Variants in GOT1L1 observed in about 807,000 individuals in gnomAD.
GOT1L1 encodes the protein aspartate aminotransferase, cytoplasmic 2.
Under a neutral mutation model 43.6 loss-of-function variants are expected in GOT1L1, and 38 were observed. The ratio of observed to expected loss-of-function variants is 0.87; its 90% CI spans 0.67 to 1.14. The LOEUF (loss-of-function observed/expected upper bound fraction) is 1.14, where lower values mean the gene tolerates loss of function less well. GOT1L1 is among the 50% of genes most tolerant of loss of function. The probability of loss-of-function intolerance (pLI) is 0.00; values close to 1 mark genes in which losing one functional copy is unlikely to be tolerated. For missense variants in GOT1L1, 482 were observed against 504.0 expected (o/e 0.96, Z 0.42); for synonymous variants, 183 against 187.2 (o/e 0.98, Z 0.18).
chr8:37,939,977 C>T lies in GOT1L1; in HGVS notation c.53G>A (p.Gly18Asp). ...MDVPLAHKLE[G>D]SLLKTYKQDD... is the part of the protein sequence containing the mutation. ...TTGTTTGTAGGTCTTTAACAAGCTG[C>T]CCTCTAGCTTGTGGGCGAGGGGCAC... Residue 18 changes from glycine (G) to aspartate (D), a missense_variant, in exon 1 of 9, where the codon GGC becomes GAC. Physicochemically the swap from Gly to Asp is moderately conservative, Grantham distance 94. Transcript: ENST00000307599. 1 of 1,613,410 alleles carries T rather than the reference C, an allele frequency of 6.2e-7. No homozygotes were observed. The highest frequency in any genetic ancestry group is 8.5e-7 in the Non-Finnish European group (1 of 1,179,552).
chr8:37,935,624 C>A lies in GOT1L1; in HGVS notation c.929+80G>T, dbSNP rs145030620. On this transcript the variant is annotated intron_variant, in intron 7 of 8. Transcript: ENST00000307599. ...GCCACATGGGCAGGAGAGAAGCACC[C>A]TGCCGAATCCTGCAGATCAGCAGGT... 5.6e-5 allele frequency: 74 copies of A among 1,325,826 alleles called. No individual in the cohort carries two copies. The East Asian group carries it at 2.0e-3, about 35-fold the overall frequency. 82.1% of individuals were successfully genotyped at this position (1,325,826 alleles called of 1,614,324 possible). A position where few individuals can be genotyped will look rare whatever the true frequency, so the allele number is the denominator to read the frequency against.
intron 2 of GOT1L1, 33 bp from the exon 3 acceptor site, chr8:37,937,782 G>A (rs772323353): frequency 6.8e-7 from 1 of 1,478,712 alleles, no homozygotes; most frequent in African/African-American, 1.4e-5. Flanking sequence ...AATAGGCCAG[G>A]TGTGGTGGCT....
rs746672541 is a variant in GOT1L1 at position 37,939,910 on chromosome 8, T to C, written c.115+5A>G. ...TCTTATACTTCAGAACTGCTAGGCA[T>C]CTACCTCTATAGGCTAAGAATATCT... On this transcript the variant is annotated splice_donor_5th_base_variant and intron_variant, in intron 1 of 8. Coordinates refer to ENST00000307599, the MANE Select transcript of GOT1L1 (RefSeq NM_152413.3). 1 of 1,612,170 alleles carries C rather than the reference T, an allele frequency of 6.2e-7. No individual in the cohort carries two copies. The highest frequency in any genetic ancestry group is 2.2e-5 in the East Asian group (1 of 44,860).
chr8:37,934,552 G>A, intron 8 of GOT1L1, 66 bp from the exon 9 acceptor site: 1 of 1,170,444 alleles, frequency 8.5e-7, no homozygotes, highest in Admixed American at 2.1e-5. Flanking sequence ...AGCCCAGGCT[G>A]GTTTATTTTC....
chr8:37,934,664 A>G (rs1488301548), intron 8 of GOT1L1, among the ~76,000 whole-genome samples, 178 bp from the exon 9 acceptor site: 2 of 152,082 alleles, frequency 1.3e-5, no homozygotes, highest in Non-Finnish European at 2.9e-5. Context: ...TTCGCCTCCC[A>G]GGTTCAAGCG....
At chr8:37,935,568 G>A (rs926152087) in intron 7 of GOT1L1, 136 bp downstream of exon 7, 1 of 843,796 alleles carries the variant, frequency 1.2e-6, no homozygotes, top group African/African-American at 1.7e-5. Flanking sequence ...CAGGTCCTTA[G>A]TAAATGTTGA....
chr8:37,936,709 C>A lies in GOT1L1; in HGVS notation c.763+11G>T. 1.2e-6 allele frequency: 2 copies of A among 1,605,686 alleles called. No homozygotes were observed. The highest frequency in any genetic ancestry group is 8.5e-7 in the Non-Finnish European group (1 of 1,173,462). ...AGCAACAGACCCTCCCTTCTTCTGC[C>A]TGTACCATACCATAAATGCCAAAAT... is the stretch of plus-strand genomic sequence containing the variant. On this transcript the variant is annotated intron_variant, in intron 6 of 8. Coordinates refer to ENST00000307599, the MANE Select transcript of GOT1L1 (RefSeq NM_152413.3).
chr8:37,935,801 G>A lies in GOT1L1; in HGVS notation c.832C>T (p.Leu278=). The change falls in exon 7 of 9, where the codon CTG becomes TTG. Residue 278 remains leucine, a synonymous_variant. Transcript: ENST00000307599. Reference sequence around the variant, plus strand: ...CACAGGGCCTGGGCTAATCCTTCCAGCTGGGAGAGGACACACAGCAGCTGC... The same window carrying A: ...CACAGGGCCTGGGCTAATCCTTCCAACTGGGAGAGGACACACAGCAGCTGC... ...NQQLLCVLSQ[L]EGLAQALWLN... 2 of 1,613,216 alleles carry A rather than the reference G, an allele frequency of 1.2e-6. No individual in the cohort carries two copies. The highest frequency in any genetic ancestry group is 1.7e-6 in the Non-Finnish European group (2 of 1,179,536).
rs546691324 is a variant in GOT1L1, at chr8:37,935,758, G to T, written c.875C>A (p.Thr292Lys). 1.9e-6 allele frequency: 3 copies of T among 1,611,862 alleles called. No individual in the cohort carries two copies. Among genetic ancestry groups the T allele is most frequent in the Non-Finnish European group, 2.5e-6 (3 of 1,178,974 alleles). ...GATGGAGGTGATGACACGTGCACCC[G>T]TGTTGGGGGGGTTTAGCCACAGGGC... ...AQALWLNPPN[T>K]GARVITSILC... The change falls in exon 7 of 9, where the codon ACG becomes AAG. Residue 292 changes from threonine (T) to lysine (K), a missense_variant. By Grantham distance (78) the Thr-to-Lys change is moderately conservative (BLOSUM62 -1). Coordinates refer to ENST00000307599, the MANE Select transcript of GOT1L1 (RefSeq NM_152413.3).
At chr8:37,935,599 GC>G in intron 7 of GOT1L1, 104 bp downstream of exon 7, 1 of 1,054,294 alleles carries the variant, frequency 9.5e-7, no homozygotes, top group South Asian at 1.9e-5. Flanking sequence ...GAGTAAAAAG[GC>G]CACATGGGCA....
At chr8:37,939,430 AAATAT>A (rs1223187198) in intron 1 of GOT1L1, among the ~76,000 whole-genome samples, 6 of 59,452 alleles carry the variant, frequency 1.0e-4, no homozygotes, top group African/African-American at 4.2e-4. Context: ...AAAAAAAAAA[AAATAT>A]ATATATATAT....
chr8:37,938,645 C>T (rs142930483), intron 2 of GOT1L1, 55 bp downstream of exon 2: 2 of 1,484,986 alleles, frequency 1.3e-6, no homozygotes, highest in South Asian at 2.7e-5. Context: ...GTTGTGCAGA[C>T]CCAGATCGCC....
At position 37,938,891 on chromosome 8, in the gene GOT1L1, A is replaced by C; in HGVS notation, c.116-10T>G. 6.2e-7 allele frequency: 1 copy of C among 1,613,078 alleles called. No individual in the cohort carries two copies. Reference sequence around the variant, plus strand: ...TCATTTGTCATGCAGACTGTGAGGAAAACCACAGAGGGAGCTCCAGATGCC... The same window carrying C: ...TCATTTGTCATGCAGACTGTGAGGACAACCACAGAGGGAGCTCCAGATGCC... On this transcript the variant is annotated splice_polypyrimidine_tract_variant and intron_variant, in intron 1 of 8. Transcript: ENST00000307599.
rs181030975 is a variant in GOT1L1, at chr8:37,937,251, G to A, written c.519+26C>T. Reference sequence around the variant, plus strand: ...TTAGGCTGTAAGTCAGCTCTAGGGAGGAGTTTCTGAGCGGGGCCCCTCTAC... The same window carrying A: ...TTAGGCTGTAAGTCAGCTCTAGGGAAGAGTTTCTGAGCGGGGCCCCTCTAC... On this transcript the variant is annotated intron_variant, in intron 4 of 8. Transcript: ENST00000307599. The A allele has an allele frequency of 2.6e-5, 37 of 1,430,084 alleles. No homozygotes were observed. In the Admixed American group the frequency reaches 7.3e-4, roughly 28 times the overall value. The allele number at this position is 1,430,084 out of a possible 1,614,324, so 88.6% of individuals were successfully genotyped here.
At chr8:37,937,538 A>G (rs754090106) in intron 3 of GOT1L1, 100 bp downstream of exon 3, 35 of 1,060,330 alleles carry the variant, frequency 3.3e-5, no homozygotes, top group Non-Finnish European at 2.8e-5. Flanking sequence ...CATTTTGCTC[A>G]TGACAGAGAA....
Position 37,939,776 on chromosome 8 carries a change from G to T in GOT1L1, c.115+139C>A, listed in dbSNP as rs901968513. On this transcript the variant is annotated intron_variant, in intron 1 of 8. Transcript: ENST00000307599. ...CCTTATCTGCACTTTTCCCCACTGG[G>T]TAATTCTGTTAACAAGAAAAGATCT... 4 of 784,340 alleles carry T rather than the reference G, an allele frequency of 5.1e-6. No homozygotes were observed. In the African/African-American group the frequency reaches 7.0e-5, roughly 14 times the overall value. The allele number at this position is 784,340 out of a possible 1,614,324, so 48.6% of individuals were successfully genotyped here.
In GOT1L1 at chr8:37,937,074, T is replaced by A. The variant is rs1434613304; in HGVS notation, c.520-17A>T. 2 of 1,610,856 alleles carry A rather than the reference T, an allele frequency of 1.2e-6. No individual in the cohort carries two copies. Among genetic ancestry groups the A allele is most frequent in the Non-Finnish European group, 1.7e-6 (2 of 1,177,870 alleles). On this transcript the variant is annotated splice_polypyrimidine_tract_variant and intron_variant, in intron 4 of 8. Transcript: ENST00000307599. ...TGGGATCTGCTGCAGGTACAGACGG[T>A]CTCATCAGGCTTCACCCCCACCCAG... is the stretch of plus-strand genomic sequence containing the variant.
intron 7 of GOT1L1, 62 bp downstream of exon 7, chr8:37,935,642 C>G: frequency 7.0e-7 from 1 of 1,425,866 alleles, no homozygotes. Flanking sequence ...TCCTGCAGAT[C>G]AGCAGGTCTG....
At position 37,935,886 on chromosome 8, in the gene GOT1L1, A is replaced by ACAGCCT. The variant is rs761953092; in HGVS notation, c.764-23_764-18dup. 7 of 1,608,662 alleles carry ACAGCCT rather than the reference A, an allele frequency of 4.4e-6. No homozygotes were observed. In the Admixed American group the frequency reaches 1.0e-4, roughly 23 times the overall value. On this transcript the variant is annotated splice_polypyrimidine_tract_variant and intron_variant, in intron 6 of 8. Transcript: ENST00000307599. ...CTCCTTCATCTGCAGTGTTGGGAAG[A>ACAGCCT]CAGCCTCAGCCTCAGCCCCTTCCTC... is the stretch of plus-strand genomic sequence containing the variant.
Sources: allele counts gnomAD v4.1 joint callset (sites outside exome capture counted in the v4.1 genomes callset), GRCh38; gene constraint gnomAD v4.1.1; transcripts MANE v1.5; gene names NCBI Gene and HGNC (gene_info 2026-07-23, HGNC 2026-07-21).